Variants in ANXA13 observed in about 807,000 individuals in gnomAD.
The protein encoded by ANXA13 is annexin A13.
A neutral mutation model predicts 46.6 loss-of-function variants in ANXA13; 36 were observed. The observed-to-expected ratio is 0.77, with a 90% CI of 0.59 to 1.02. The LOEUF (loss-of-function observed/expected upper bound fraction) is 1.02. ANXA13 is among the 50% of genes least tolerant of loss of function. The pLI is 0.00. For missense variants in ANXA13, 417 were observed against 396.5 expected (o/e 1.05, Z -0.44); for synonymous variants, 163 against 152.9 (o/e 1.07, Z -0.49).
chr8:123,686,473 A>G (rs77160100), intron 9 of ANXA13, among the ~76,000 whole-genome samples: 4 of 150,566 alleles, frequency 2.7e-5, no homozygotes, highest in Non-Finnish European at 5.9e-5. Flanking sequence ...AAAAAAAAAA[A>G]GAAAGAAAGA....
rs1303945161 is a variant in ANXA13 at position 123,698,453 on chromosome 8, G to T, written c.293C>A (p.Ala98Asp). The T allele has an allele frequency of 3.1e-6, 5 of 1,614,090 alleles. No homozygotes were observed. Among genetic ancestry groups the T allele is most frequent in the Non-Finnish European group, 3.4e-6 (4 of 1,180,040 alleles). Residue 98 changes from alanine (A) to aspartate (D), a missense_variant, in exon 4 of 11, where the codon GCT (alanine) becomes GAT (aspartate). Transcript: ENST00000419625. The part of the protein sequence containing the change: ...SEYAARQLQK[A>D]MKGLGTDESV... ...CTCATCTGTGCCCAGACCCTTCATA[G>T]CCTTCTGCAGCTGCCGGGCGGCGTA... is the stretch of plus-strand genomic sequence containing the variant.
In ANXA13 at chr8:123,726,040, ATT is replaced by A. The variant is rs750940907; in HGVS notation, c.15+11278_15+11279del. Among the ~76,000 whole-genome samples the A allele has an allele frequency of 2.6e-5, 4 of 152,344 alleles. No homozygotes were observed. The East Asian group carries it at 5.8e-4, about 22-fold the overall frequency. On this transcript the variant is annotated intron_variant, in intron 1 of 10. Coordinates refer to ENST00000419625, the MANE Select transcript of ANXA13 (RefSeq NM_004306.4). Reference sequence around the variant, plus strand: ...GCTATCACTCTAAAGGGGCAGAAATATTTGTATCATTTAACAACTAAAACTAA... The same window carrying A: ...GCTATCACTCTAAAGGGGCAGAAATATGTATCATTTAACAACTAAAACTAA...
chr8:123,688,578 C>G (rs772303059), intron 9 of ANXA13, among the ~76,000 whole-genome samples: 17 of 152,118 alleles, frequency 1.1e-4, no homozygotes, highest in Non-Finnish European at 1.9e-4. Context: ...GCTGGCTTGC[C>G]CAAAGTTGCA....
chr8:123,681,315 C>A lies in ANXA13; in HGVS notation c.876G>T (p.Gln292His), dbSNP rs745692488. ...GIKAKFQEKY[Q>H]KSLSDMVRSD... Reference sequence around the variant, plus strand: ...AGCGAACCATGTCAGAGAGAGACTTCTGATACTTCTCTTGGAACTTTGCTT... The same window carrying A: ...AGCGAACCATGTCAGAGAGAGACTTATGATACTTCTCTTGGAACTTTGCTT... Residue 292 changes from glutamine to histidine, a missense_variant, in exon 11 of 11, where the codon CAG becomes CAT. Physicochemically the swap from Gln to His is conservative, Grantham distance 24. Transcript: ENST00000419625. The A allele has an allele frequency of 8.1e-6, 13 of 1,614,038 alleles. No homozygotes were observed. The highest frequency in any genetic ancestry group is 1.0e-5 in the Non-Finnish European group (12 of 1,180,010).
At chr8:123,701,139 T>A (rs1185327372) in intron 3 of ANXA13, among the ~76,000 whole-genome samples, 1 of 152,088 alleles carries the variant, frequency 6.6e-6, no homozygotes, top group East Asian at 1.9e-4. Context: ...GGTGAATGTG[T>A]CTTGGGAGGC....
At chr8:123,706,069 T>A (rs1422988142) in intron 2 of ANXA13, among the ~76,000 whole-genome samples, 2 of 152,180 alleles carry the variant, frequency 1.3e-5, no homozygotes, top group Non-Finnish European at 2.9e-5. Context: ...TGGTTTCAAT[T>A]GGAGAAACAG....
At chr8:123,714,174 C>T (rs1813716678) in intron 1 of ANXA13, among the ~76,000 whole-genome samples, 4 of 152,156 alleles carry the variant, frequency 2.6e-5, no homozygotes. Context: ...TCCTTATTTC[C>T]CCTTCCCCCA....
At chr8:123,704,700 G>A (rs561297251) in intron 2 of ANXA13, among the ~76,000 whole-genome samples, 2 of 152,188 alleles carry the variant, frequency 1.3e-5, no homozygotes, top group African/African-American at 4.8e-5. Context: ...CCCGGCCTGC[G>A]GTTGACAATT....
chr8:123,718,948 C>T (rs923516216), intron 1 of ANXA13, among the ~76,000 whole-genome samples: 1 of 152,174 alleles, frequency 6.6e-6, no homozygotes, highest in Non-Finnish European at 1.5e-5. Flanking sequence ...AAACAGACGC[C>T]TGATCAAATG....
Position 123,690,179 on chromosome 8 carries a change from G to A in ANXA13, c.643-1233C>T, listed in dbSNP as rs1443074897. On this transcript the variant is annotated intron_variant, in intron 8 of 10. Transcript: ENST00000419625. The surrounding 1 kb of genome is among the most constrained non-coding windows in gnomAD (Gnocchi z 4.6). ...CCAGAAACAAGGTTCTTGTTCTGTA[G>A]ACTGAGATCATACTTCAAGAGAACA... is the stretch of plus-strand genomic sequence containing the variant. 6.6e-6 allele frequency among the ~76,000 whole-genome samples: 1 copy of A among 152,102 alleles called. No homozygotes were observed. Among genetic ancestry groups the A allele is most frequent in the Non-Finnish European group, 1.5e-5 (1 of 68,040 alleles).
chr8:123,725,145 A>T (rs1217372085), intron 1 of ANXA13, among the ~76,000 whole-genome samples: 1 of 152,250 alleles, frequency 6.6e-6, no homozygotes, highest in Non-Finnish European at 1.5e-5. Context: ...GTCAACTGAC[A>T]TTAATTTTCC....
Position 123,681,302 on chromosome 8 carries a change from CAG to C in ANXA13, c.887_888del (p.Ser296Ter), listed in dbSNP as rs774819153. ...CCGGAGGTATCTGAGCGAACCATGTCAGAGAGAGACTTCTGATACTTCTCTTG... is the reference window on the plus strand; with the variant it reads ...CCGGAGGTATCTGAGCGAACCATGTCAGAGAGACTTCTGATACTTCTCTTG... ...KFQEKYQKSL[S>X]DMVRSDTSGD... On this transcript the variant is annotated frameshift_variant, in exon 11 of 11. Coordinates refer to ENST00000419625, the MANE Select transcript of ANXA13 (RefSeq NM_004306.4). LOFTEE classifies it high-confidence loss of function. The C allele has an allele frequency of 6.2e-7, 1 of 1,614,178 alleles. No individual in the cohort carries two copies.
At chr8:123,719,311 CTCTCTT>C (rs551848019) in intron 1 of ANXA13, among the ~76,000 whole-genome samples, 16 of 152,252 alleles carry the variant, frequency 1.1e-4, no homozygotes, top group African/African-American at 2.2e-4. Flanking sequence ...TTATTTTTCC[CTCTCTT>C]TCTCTTTCTC....
chr8:123,694,990 C>T (rs572877802), intron 6 of ANXA13, among the ~76,000 whole-genome samples: 1 of 151,856 alleles, frequency 6.6e-6, no homozygotes, highest in Non-Finnish European at 1.5e-5. Context: ...CTAGAGGTCT[C>T]GGGGGGCTGT....
chr8:123,736,847 CTT>C (rs34405438), intron 1 of ANXA13, among the ~76,000 whole-genome samples: 14 of 113,446 alleles, frequency 1.2e-4, no homozygotes, highest in Admixed American at 2.1e-4. Context: ...ATCCCCAGTG[CTT>C]TTTTTTTTTT....
intron 10 of ANXA13, among the ~76,000 whole-genome samples, chr8:123,683,771 G>C (rs1266904731): frequency 2.6e-5 from 4 of 151,952 alleles, no homozygotes; most frequent in Non-Finnish European, 2.9e-5. Context: ...ATTTTTAGTA[G>C]TGACGGGGTT....
chr8:123,690,904 G>T lies in ANXA13; in HGVS notation c.643-1958C>A, dbSNP rs886288062. Among the ~76,000 whole-genome samples, 1 of 152,182 alleles carries T rather than the reference G, an allele frequency of 6.6e-6. No homozygotes were observed. The highest frequency in any genetic ancestry group is 1.5e-5 in the Non-Finnish European group (1 of 68,024). On this transcript the variant is annotated intron_variant, in intron 8 of 10. Coordinates refer to ENST00000419625, the MANE Select transcript of ANXA13 (RefSeq NM_004306.4). The surrounding 1 kb of genome is among the most constrained non-coding windows in gnomAD (Gnocchi z 4.6). ...GAACATGTACAGGGGAGGGGCAAAG[G>T]GTGAGGCACGCAGTGAGGTGGCAGC...
chr8:123,719,520 T>C (rs1391848226), intron 1 of ANXA13, among the ~76,000 whole-genome samples: 1 of 152,196 alleles, frequency 6.6e-6, no homozygotes, highest in Non-Finnish European at 1.5e-5. Flanking sequence ...CAGTAAGCAC[T>C]TTTGGGTACA....
intron 2 of ANXA13, among the ~76,000 whole-genome samples, chr8:123,707,307 G>T (rs1813557015): frequency 6.6e-6 from 1 of 152,122 alleles, no homozygotes; most frequent in South Asian, 2.1e-4. Context: ...GTGTAGCAAG[G>T]ACCAATAGAA....
Sources: allele counts gnomAD v4.1 joint callset (sites outside exome capture counted in the v4.1 genomes callset), GRCh38; gene constraint gnomAD v4.1.1; non-coding constraint Gnocchi (gnomAD v3.1); transcripts MANE v1.5; gene names NCBI Gene and HGNC (gene_info 2026-07-23, HGNC 2026-07-21).